EGFR: variants seen among roughly 807,000 people sequenced by gnomAD.
EGFR encodes the protein epidermal growth factor receptor, also known as avian erythroblastic leukemia viral (v-erb-b) oncogene homolog.
In EGFR, 58 loss-of-function variants were observed where a neutral mutation model predicts 143.0. The observed-to-expected ratio is 0.41, with a 90% confidence interval of 0.33 to 0.50. The LOEUF is 0.50. Ranked by LOEUF, EGFR falls within the 20% of genes least tolerant of loss-of-function variation. The pLI is 0.39. For synonymous variants in EGFR, 613 were observed against 594.4 expected, an observed-to-expected ratio of 1.03 and a Z score of -0.45; for missense variants, 1,307 against 1,579.0, an observed-to-expected ratio of 0.83 and a Z score of 2.92.
intron 19 of EGFR, among the ~76,000 whole-genome samples, chr7:55,176,933 A>G (rs1483800711): frequency 2.0e-5 from 3 of 148,124 alleles, no homozygotes; most frequent in East Asian, 2.0e-4. Flanking sequence ...AAATATATAT[A>G]TATCTCTCTC....
At chr7:55,024,541 A>C (rs1311629282) in intron 1 of EGFR, among the ~76,000 whole-genome samples, 1 of 152,258 alleles carries the variant, frequency 6.6e-6, no homozygotes, top group Non-Finnish European at 1.5e-5. Flanking sequence ...CCTTGCAGGC[A>C]GCCCTAAGTA....
At chr7:55,201,060 G>T (rs17290692) in intron 24 of EGFR, 128 bp from the exon 25 acceptor site, 1 of 1,158,162 alleles carries the variant, frequency 8.6e-7, no homozygotes, top group Non-Finnish European at 1.3e-6. Flanking sequence ...AGAACCAAGG[G>T]GGATTTCATT....
chr7:55,042,466 G>A (rs1437929836), intron 1 of EGFR, among the ~76,000 whole-genome samples: 1 of 152,142 alleles, frequency 6.6e-6, no homozygotes, highest in African/African-American at 2.4e-5. Flanking sequence ...TGTCCATTTG[G>A]TTCTGTGACC....
intron 1 of EGFR, among the ~76,000 whole-genome samples, chr7:55,056,460 T>C (rs1788824474): frequency 6.6e-6 from 1 of 152,370 alleles, no homozygotes; most frequent in Non-Finnish European, 1.5e-5. Context: ...GATTAGAACA[T>C]GATAGAATTT....
At chr7:55,064,430 C>T (rs572807002) in intron 1 of EGFR, among the ~76,000 whole-genome samples, 35 of 152,306 alleles carry the variant, frequency 2.3e-4, no homozygotes, top group Non-Finnish European at 4.1e-4. Flanking sequence ...ATGTTAGTAT[C>T]CAGACATCCA....
chr7:55,019,211 C>T lies in EGFR; in HGVS notation c.-67C>T. 2 of 1,293,274 alleles carry T rather than the reference C, an allele frequency of 1.5e-6. No homozygotes were observed. The highest frequency in any genetic ancestry group is 2.1e-6 in the Non-Finnish European group (2 of 964,174). The allele number at this position is 1,293,274 out of a possible 1,614,324, so 80.1% of individuals were successfully genotyped here. A position where few individuals can be genotyped will look rare whatever the true frequency, so the allele number is the denominator to read the frequency against. On this transcript the variant is annotated 5_prime_UTR_variant, in exon 1 of 28. Coordinates refer to ENST00000275493, the MANE Select transcript of EGFR (RefSeq NM_005228.5). ...CTCGCCGCCAACGCCACAACCACCG[C>T]GCACGGCCCCCTGACTCCGTCCAGT...
chr7:55,193,248 T>A (rs1787478926), intron 22 of EGFR, among the ~76,000 whole-genome samples: 1 of 152,164 alleles, frequency 6.6e-6, no homozygotes, highest in Non-Finnish European at 1.5e-5. Flanking sequence ...TAAGATGAAC[T>A]ACCCTGGCCC....
chr7:55,149,806 GA>G (rs1481909272), intron 4 of EGFR, among the ~76,000 whole-genome samples: 9 of 152,278 alleles, frequency 5.9e-5, no homozygotes, highest in Non-Finnish European at 1.2e-4. Context: ...GAGATTGGTT[GA>G]AAAAATTATG....
intron 19 of EGFR, chr7:55,180,116 C>CA (rs1786793602): frequency 6.6e-6 from 1 of 152,378 alleles, no homozygotes; most frequent in Non-Finnish European, 1.5e-5. Flanking sequence ...CACCCTATCT[C>CA]AGAGCCTGGC....
chr7:55,076,411 GA>G (rs1054619214), intron 1 of EGFR, among the ~76,000 whole-genome samples: 2 of 151,822 alleles, frequency 1.3e-5, no homozygotes, highest in South Asian at 2.1e-4. Flanking sequence ...TCATTGGTTG[GA>G]AAAAAAATCC....
chr7:55,123,891 G>T (rs1793363385), intron 1 of EGFR, among the ~76,000 whole-genome samples: 1 of 152,116 alleles, frequency 6.6e-6, no homozygotes. Context: ...ATGGATGTGT[G>T]TGTGTGTGCA....
chr7:55,199,899 C>T (rs1467194823), intron 23 of EGFR, among the ~76,000 whole-genome samples: 2 of 152,208 alleles, frequency 1.3e-5, no homozygotes, highest in Non-Finnish European at 2.9e-5. Context: ...TCTTTAAAGC[C>T]TATTTTTCTA....
chr7:55,188,722 G>A (rs1358375393), intron 20 of EGFR: 3 of 152,024 alleles, frequency 2.0e-5, no homozygotes, highest in Non-Finnish European at 2.9e-5. Context: ...GCATAACTGC[G>A]CCAGGCACAG....
At chr7:55,056,114 C>T (rs1788801947) in intron 1 of EGFR, among the ~76,000 whole-genome samples, 1 of 152,104 alleles carries the variant, frequency 6.6e-6, no homozygotes, top group Non-Finnish European at 1.5e-5. Flanking sequence ...TCCTCAAAAC[C>T]TGAAAAATCA....
intron 17 of EGFR, among the ~76,000 whole-genome samples, chr7:55,173,412 G>A (rs1247179135): frequency 3.3e-5 from 5 of 152,224 alleles, no homozygotes; most frequent in Admixed American, 2.0e-4. Context: ...AGGAAGCCTG[G>A]CTGTTGATCC....
chr7:55,097,489 A>G (rs555327395), intron 1 of EGFR, among the ~76,000 whole-genome samples: 1 of 152,366 alleles, frequency 6.6e-6, no homozygotes, highest in Non-Finnish European at 1.5e-5. Context: ...GACCAGATCT[A>G]TTGTAAAGCC....
At chr7:55,113,745 G>C (rs1427135626) in intron 1 of EGFR, among the ~76,000 whole-genome samples, 1 of 152,238 alleles carries the variant, frequency 6.6e-6, no homozygotes, top group African/African-American at 2.4e-5. Flanking sequence ...GTTTAGCTTT[G>C]ACAGAGATTC....
chr7:55,097,500 A>G (rs912168904), intron 1 of EGFR, among the ~76,000 whole-genome samples: 1 of 152,236 alleles, frequency 6.6e-6, no homozygotes. Context: ...TTGTAAAGCC[A>G]ATAATACTGA....
chr7:55,178,373 C>A (rs1786698405), intron 19 of EGFR, among the ~76,000 whole-genome samples: 1 of 152,202 alleles, frequency 6.6e-6, no homozygotes, highest in African/African-American at 2.4e-5. Context: ...AAACAGATTT[C>A]TAGGTGTACT....
Sources: allele counts gnomAD v4.1 joint callset (sites outside exome capture counted in the v4.1 genomes callset), GRCh38; gene constraint gnomAD v4.1.1; transcripts MANE v1.5; gene names NCBI Gene and HGNC (gene_info 2026-07-23, HGNC 2026-07-21).